The following MDGA2 variants were observed in gnomAD, a reference collection of about 807,000 sequenced individuals.
MDGA2 encodes MAM domain-containing glycosylphosphatidylinositol anchor protein 2.
MDGA2 carries 40 observed loss-of-function variants against 117.8 expected under a neutral mutation model. That is an observed-to-expected ratio of 0.34 (90% CI 0.26 to 0.44). The LOEUF (loss-of-function observed/expected upper bound fraction) is 0.44, where lower values mean the gene tolerates loss of function less well. MDGA2 is among the 20% of genes least tolerant of loss of function. The pLI is 1.00. For synonymous variants in MDGA2, 452 were observed against 439.0 expected (o/e 1.03, Z -0.37); for missense variants, 1,123 against 1,250.6 (o/e 0.90, Z 1.54).
chr14:47,590,104 T>C (rs1474490102), intron 1 of MDGA2, among the ~76,000 whole-genome samples: 3 of 151,572 alleles, frequency 2.0e-5, no homozygotes, highest in Non-Finnish European at 3.0e-5. Context: ...TCCTTACGGT[T>C]TTCTATAAAC....
rs146479887 is a variant in MDGA2 at position 46,987,452 on chromosome 14, C to T, written c.1820-29809G>A. 3.9e-4 allele frequency among the ~76,000 whole-genome samples: 60 copies of T among 152,212 alleles called. No individual in the cohort carries two copies. The East Asian group carries it at 8.3e-3, about 21-fold the overall frequency. On this transcript the variant is annotated intron_variant, in intron 8 of 16. Transcript: ENST00000399232. ...AAGAGCTACTCTTTATCAGAAACCA[C>T]GGAGCAGCTTTATAGGTATTCCTCC...
At chr14:47,566,919 T>C (rs977256855) in intron 1 of MDGA2, among the ~76,000 whole-genome samples, 6 of 150,006 alleles carry the variant, frequency 4.0e-5, no homozygotes, top group Admixed American at 3.3e-4. Context: ...TTTTTTTTTC[T>C]TTTTTTTGAG....
chr14:47,234,239 T>G (rs936587089), intron 2 of MDGA2, among the ~76,000 whole-genome samples: 1 of 150,154 alleles, frequency 6.7e-6, no homozygotes, highest in African/African-American at 2.4e-5. Flanking sequence ...ATGTAAATAT[T>G]CATATTATAT....
chr14:47,175,645 T>C (rs1463479091), intron 3 of MDGA2, among the ~76,000 whole-genome samples: 1 of 151,886 alleles, frequency 6.6e-6, no homozygotes, highest in African/African-American at 2.4e-5. Flanking sequence ...TGATGGGACG[T>C]ATCTCAAAAT....
chr14:47,273,494 T>A (rs1888213241), intron 2 of MDGA2, among the ~76,000 whole-genome samples: 1 of 152,158 alleles, frequency 6.6e-6, no homozygotes, highest in Non-Finnish European at 1.5e-5. Flanking sequence ...TATAAGATCC[T>A]TATAACAAGA....
intron 1 of MDGA2, among the ~76,000 whole-genome samples, chr14:47,550,629 GT>G (rs566187568): frequency 0.013 from 1,879 of 147,422 alleles, 33 homozygotes; most frequent in African/African-American, 0.039. Flanking sequence ...TTCATTCACT[GT>G]TTTTTTTTTC....
intron 14 of MDGA2, among the ~76,000 whole-genome samples, chr14:46,856,914 C>G (rs1465615861): frequency 6.6e-6 from 1 of 152,028 alleles, no homozygotes; most frequent in Non-Finnish European, 1.5e-5. Context: ...TAATTAGAGT[C>G]AATATTTTAC....
chr14:47,283,286 C>T (rs17670980), intron 2 of MDGA2, among the ~76,000 whole-genome samples: 13,820 of 152,084 alleles, frequency 0.091, 774 homozygotes, highest in Non-Finnish European at 0.11. Flanking sequence ...AGTCCTCTAC[C>T]TTCAAGAAAA....
Position 47,131,806 on chromosome 14 carries a change from T to C in MDGA2, c.833A>G (p.Gln278Arg), listed in dbSNP as rs1192706958. 6 of 1,593,708 alleles carry C rather than the reference T, an allele frequency of 3.8e-6. No individual in the cohort carries two copies. In the Middle Eastern group the frequency reaches 6.7e-4, roughly 177 times the overall value. Residue 278 changes from glutamine to arginine, a missense_variant, in exon 5 of 17, where the codon CAG (glutamine) becomes CGG (arginine). By Grantham distance (43) the Gln-to-Arg change is conservative. Coordinates refer to ENST00000399232, the MANE Select transcript of MDGA2 (RefSeq NM_001113498.3). ...AATGCAGCTATAATTAGCATAGTCCTGAGGTCGAAGATTCTTTAGTTTTAA... is the reference window on the plus strand; with the variant it reads ...AATGCAGCTATAATTAGCATAGTCCCGAGGTCGAAGATTCTTTAGTTTTAA... Reference protein sequence around the residue: ...KILKLKNLRPQDYANYSCIAS... With the variant: ...KILKLKNLRPRDYANYSCIAS...
chr14:46,972,180 G>C (rs1297236761), intron 8 of MDGA2, among the ~76,000 whole-genome samples: 2 of 152,062 alleles, frequency 1.3e-5, no homozygotes, highest in East Asian at 1.9e-4. Context: ...CTTGTAGGAT[G>C]TATGCTAACT....
chr14:46,977,234 CT>C (rs200128549), intron 8 of MDGA2, among the ~76,000 whole-genome samples: 3 of 150,772 alleles, frequency 2.0e-5, no homozygotes, highest in Admixed American at 6.6e-5. Flanking sequence ...AATTTCTTCT[CT>C]TTTTTTTTAA....
intron 1 of MDGA2, among the ~76,000 whole-genome samples, chr14:47,632,082 A>G (rs1425028627): frequency 6.6e-6 from 1 of 152,184 alleles, no homozygotes; most frequent in Non-Finnish European, 1.5e-5. Context: ...CTGTTATGGG[A>G]TGTAAATCAC....
rs926666045 is a variant in MDGA2 at position 47,185,972 on chromosome 14, C to T, written c.595+32049G>A. ...ATTTATAATTAGGATGGAAGGCTTG[C>T]TATATGCAAGCTTAATACATAAAAA... On this transcript the variant is annotated intron_variant, in intron 3 of 16. Transcript: ENST00000399232. Among the ~76,000 whole-genome samples, 11 of 151,496 alleles carry T rather than the reference C, an allele frequency of 7.3e-5. No homozygotes were observed. In the South Asian group the frequency reaches 8.3e-4, roughly 11 times the overall value.
chr14:47,582,985 A>G (rs1283220865), intron 1 of MDGA2, among the ~76,000 whole-genome samples: 1 of 151,878 alleles, frequency 6.6e-6, no homozygotes, highest in Non-Finnish European at 1.5e-5. Flanking sequence ...TGATGGGTAA[A>G]TAACACCAAA....
chr14:47,398,360 G>A (rs868360196), intron 1 of MDGA2, among the ~76,000 whole-genome samples: 6 of 152,178 alleles, frequency 3.9e-5, no homozygotes, highest in Admixed American at 1.3e-4. Context: ...AGGCAGACCT[G>A]GGTCCTAGTC....
chr14:47,221,039 G>A (rs954810961), intron 2 of MDGA2, among the ~76,000 whole-genome samples: 14 of 152,130 alleles, frequency 9.2e-5, no homozygotes, highest in Non-Finnish European at 1.9e-4. Context: ...ATATTGTGGT[G>A]GGCAGTTAAT....
intron 1 of MDGA2, among the ~76,000 whole-genome samples, chr14:47,406,518 A>G (rs1892264892): frequency 1.3e-5 from 2 of 152,180 alleles, no homozygotes; most frequent in East Asian, 3.9e-4. Context: ...GTTGGGATAA[A>G]GAGAGAAAAC....
At chr14:47,564,778 T>A (rs1045639573) in intron 1 of MDGA2, among the ~76,000 whole-genome samples, 1 of 152,226 alleles carries the variant, frequency 6.6e-6, no homozygotes, top group African/African-American at 2.4e-5. Context: ...TCTCTTTACA[T>A]CATCCAATAT....
At chr14:47,628,767 C>T (rs1404417846) in intron 1 of MDGA2, among the ~76,000 whole-genome samples, 2 of 152,160 alleles carry the variant, frequency 1.3e-5, no homozygotes, top group African/African-American at 4.8e-5. Flanking sequence ...ATTTTTTTCC[C>T]CCCAGCTGGT....
Sources: gnomAD v4.1 joint callset for allele counts (sites outside exome capture counted in the v4.1 genomes callset) on GRCh38, gnomAD v4.1.1 for gene constraint, MANE v1.5 for transcripts, NCBI Gene and HGNC (gene_info 2026-07-23, HGNC 2026-07-21) for gene names.